GLCCI1: variants seen among roughly 807,000 people sequenced by gnomAD.
GLCCI1 encodes glucocorticoid induced 1, also known as glucocorticoid-induced transcript 1 protein.
A neutral mutation model predicts 52.2 loss-of-function variants in GLCCI1; 24 were observed. The observed-to-expected ratio is 0.46, with a 90% CI of 0.33 to 0.65. The LOEUF is 0.65. Among genes scored for constraint, GLCCI1 ranks in the 30% least tolerant of loss-of-function variants. The pLI, the probability that GLCCI1 is intolerant of heterozygous loss-of-function variation, is 0.02. For synonymous variants in GLCCI1, 310 were observed against 276.5 expected (o/e 1.12, Z -1.20); for missense variants, 704 against 701.5 (o/e 1.00, Z -0.04).
chr7:7,995,482 T>G (rs1283002471), intron 1 of GLCCI1, among the ~76,000 whole-genome samples: 1 of 152,156 alleles, frequency 6.6e-6, no homozygotes, highest in Non-Finnish European at 1.5e-5. Context: ...TGCACTCTAG[T>G]CTGGGTGACA....
intron 2 of GLCCI1, among the ~76,000 whole-genome samples, chr7:8,015,607 G>C (rs1266741860): frequency 1.3e-5 from 2 of 152,164 alleles, no homozygotes; most frequent in African/African-American, 4.8e-5. Context: ...GAATCCTAGA[G>C]TTGAATAGTT....
intron 3 of GLCCI1, among the ~76,000 whole-genome samples, chr7:8,032,436 G>A (rs2127952015): frequency 6.6e-6 from 1 of 151,958 alleles, no homozygotes; most frequent in Non-Finnish European, 1.5e-5. Flanking sequence ...AAACAGAAAA[G>A]TACTAGAGAA....
chr7:8,072,824 C>T lies in GLCCI1; in HGVS notation c.1177+1693C>T, dbSNP rs533161114. 4.6e-5 allele frequency among the ~76,000 whole-genome samples: 7 copies of T among 152,168 alleles called. No individual in the cohort carries two copies. In the South Asian group the frequency reaches 1.2e-3, roughly 27 times the overall value. ...CAGCTAGACAGTTAAGTCTGGAGTT[C>T]TGTTTTCTTTAATACTGTGGATAAT... On this transcript the variant is annotated intron_variant, in intron 6 of 7. Transcript: ENST00000223145.
intron 4 of GLCCI1, among the ~76,000 whole-genome samples, chr7:8,058,451 T>C (rs907583205): frequency 6.6e-6 from 1 of 152,074 alleles, no homozygotes; most frequent in African/African-American, 2.4e-5. Flanking sequence ...AAAAGAAAAT[T>C]TGAAAAGACT....
intron 6 of GLCCI1, among the ~76,000 whole-genome samples, chr7:8,078,382 A>T (rs932057730): frequency 1.3e-5 from 2 of 152,110 alleles, no homozygotes; most frequent in African/African-American, 4.8e-5. Context: ...AGGGCAAGAT[A>T]AGTAGCCATG....
Position 7,986,128 on chromosome 7 carries a change from T to G in GLCCI1, c.457+16321T>G, listed in dbSNP as rs1006408014. Among the ~76,000 whole-genome samples the G allele has an allele frequency of 5.4e-4, 82 of 152,232 alleles. 1 individual carries two copies. The highest frequency in any genetic ancestry group is 5.4e-3 in the Admixed American group (82 of 15,282). On this transcript the variant is annotated intron_variant, in intron 1 of 7. Transcript: ENST00000223145. Reference sequence around the variant, plus strand: ...CCTGTTACTGTCTGTATAAAAAGTTTTAAAGTGTATTCAATCTCTTTTTCA... The same window carrying G: ...CCTGTTACTGTCTGTATAAAAAGTTGTAAAGTGTATTCAATCTCTTTTTCA...
chr7:8,053,303 T>A (rs936207620), intron 3 of GLCCI1, among the ~76,000 whole-genome samples: 2 of 119,374 alleles, frequency 1.7e-5, no homozygotes, highest in Non-Finnish European at 3.7e-5. Context: ...TGTTTTGTTT[T>A]TTTTTGTTTT....
In GLCCI1 at chr7:7,973,095, A is replaced by C. The variant is rs562766417; in HGVS notation, c.457+3288A>C. Among the ~76,000 whole-genome samples, 3 of 152,288 alleles carry C rather than the reference A, an allele frequency of 2.0e-5. No individual in the cohort carries two copies. In the South Asian group the frequency reaches 6.2e-4, roughly 32 times the overall value. On this transcript the variant is annotated intron_variant, in intron 1 of 7. Coordinates refer to ENST00000223145, the MANE Select transcript of GLCCI1 (RefSeq NM_138426.4). Reference sequence around the variant, plus strand: ...TGCAGTGGTGAATGACAGGCTGCTGAATGAATCCTCAGGCTCCCTGTGATG... The same window carrying C: ...TGCAGTGGTGAATGACAGGCTGCTGCATGAATCCTCAGGCTCCCTGTGATG...
chr7:8,060,355 C>A (rs149676946), intron 5 of GLCCI1, 107 bp downstream of exon 5: 1 of 809,968 alleles, frequency 1.2e-6, no homozygotes. Flanking sequence ...CACATACCAT[C>A]CAGTTTACTC....
intron 1 of GLCCI1, among the ~76,000 whole-genome samples, chr7:7,998,518 G>C (rs1351949778): frequency 6.6e-6 from 1 of 152,142 alleles, no homozygotes; most frequent in Non-Finnish European, 1.5e-5. Context: ...GCAGGCTCAG[G>C]AGGTAGCTTT....
At chr7:8,039,880 C>T (rs1583992345) in intron 3 of GLCCI1, among the ~76,000 whole-genome samples, 1 of 151,684 alleles carries the variant, frequency 6.6e-6, no homozygotes, top group African/African-American at 2.4e-5. Flanking sequence ...TCCTGTAATC[C>T]CAGTTACTTG....
intron 3 of GLCCI1, among the ~76,000 whole-genome samples, chr7:8,053,482 C>T (rs1224595899): frequency 6.7e-6 from 1 of 149,940 alleles, no homozygotes; most frequent in Non-Finnish European, 1.5e-5. Flanking sequence ...ACCACCACGT[C>T]TGGCTAATTT....
chr7:8,012,855 C>T (rs918536626), intron 2 of GLCCI1, among the ~76,000 whole-genome samples: 1 of 152,156 alleles, frequency 6.6e-6, no homozygotes, highest in African/African-American at 2.4e-5. Context: ...TTCAAGAAAT[C>T]CTTGCCAAAT....
intron 3 of GLCCI1, among the ~76,000 whole-genome samples, chr7:8,040,132 C>T (rs922658294): frequency 4.0e-5 from 6 of 151,812 alleles, no homozygotes; most frequent in Non-Finnish European, 5.9e-5. Flanking sequence ...GTATGAATGG[C>T]AGATGACCAC....
intron 3 of GLCCI1, among the ~76,000 whole-genome samples, chr7:8,038,417 C>T (rs1214696005): frequency 6.6e-6 from 1 of 151,834 alleles, no homozygotes; most frequent in Non-Finnish European, 1.5e-5. Context: ...GGTAGGATAG[C>T]AAAAACATAA....
chr7:8,070,995 C>T lies in GLCCI1; in HGVS notation c.1041C>T (p.Asp347=), dbSNP rs1292846374. 2 of 1,614,210 alleles carry T rather than the reference C, an allele frequency of 1.2e-6. No individual in the cohort carries two copies. Among genetic ancestry groups the T allele is most frequent in the East Asian group, 2.2e-5 (1 of 44,888 alleles). Residue 347 remains aspartate (D), a synonymous_variant, in exon 6 of 8, where the codon GAC becomes GAT. Coordinates refer to ENST00000223145, the MANE Select transcript of GLCCI1 (RefSeq NM_138426.4). ...GGAGCAGTAGTACTCGCAGCATTGACACTCAGACTCCTTCTGTCCAGGAGC... is the reference window on the plus strand; with the variant it reads ...GGAGCAGTAGTACTCGCAGCATTGATACTCAGACTCCTTCTGTCCAGGAGC... ...HYRSSSTRSI[D]TQTPSVQERS... is the part of the protein sequence containing the mutation.
At chr7:8,029,808 GAC>G (rs1166270062) in intron 3 of GLCCI1, among the ~76,000 whole-genome samples, 2 of 151,976 alleles carry the variant, frequency 1.3e-5, no homozygotes, top group African/African-American at 4.8e-5. Flanking sequence ...ATTTACAATA[GAC>G]ACAAATAAAA....
chr7:7,975,809 G>T (rs983851969), intron 1 of GLCCI1, among the ~76,000 whole-genome samples: 5 of 150,546 alleles, frequency 3.3e-5, no homozygotes, highest in Admixed American at 1.3e-4. Flanking sequence ...TTGTTTCTGA[G>T]ATAGAGAGAG....
chr7:8,007,648 T>A (rs1781182765), intron 2 of GLCCI1, among the ~76,000 whole-genome samples: 1 of 152,190 alleles, frequency 6.6e-6, no homozygotes, highest in South Asian at 2.1e-4. Flanking sequence ...ATTTATGTAG[T>A]GGAATTATGT....
Sources: gnomAD v4.1 joint callset for allele counts (sites outside exome capture counted in the v4.1 genomes callset) on GRCh38, gnomAD v4.1.1 for gene constraint, MANE v1.5 for transcripts, NCBI Gene and HGNC (gene_info 2026-07-23, HGNC 2026-07-21) for gene names.